The following NKAIN2 variants were observed in gnomAD, a reference collection of about 807,000 sequenced individuals.
NKAIN2 encodes the protein sodium/potassium-transporting ATPase subunit beta-1-interacting protein 2.
NKAIN2 carries 14 observed loss-of-function variants against 32.6 expected under a neutral mutation model. The ratio of observed to expected loss-of-function variants is 0.43; its 90% CI spans 0.28 to 0.67. The LOEUF (loss-of-function observed/expected upper bound fraction) is 0.67, where lower values mean the gene tolerates loss of function less well. Among genes scored for constraint, NKAIN2 ranks in the 30% least tolerant of loss-of-function variants. The pLI is 0.17. For missense variants in NKAIN2, 198 were observed against 258.3 expected, an observed-to-expected ratio of 0.77 and a Z score of 1.60; for synonymous variants, 80 against 87.2, an observed-to-expected ratio of 0.92 and a Z score of 0.46.
chr6:124,035,924 G>A (rs1781587969), intron 1 of NKAIN2, among the ~76,000 whole-genome samples: 1 of 152,094 alleles, frequency 6.6e-6, no homozygotes, highest in African/African-American at 2.4e-5. Context: ...CCAGGCAGGA[G>A]TATTTGATAA....
At chr6:123,933,026 T>C (rs564377342) in intron 1 of NKAIN2, among the ~76,000 whole-genome samples, 2 of 152,276 alleles carry the variant, frequency 1.3e-5, no homozygotes, top group African/African-American at 2.4e-5. Flanking sequence ...TACTTTACTG[T>C]CTGTCTGTTA....
intron 1 of NKAIN2, among the ~76,000 whole-genome samples, chr6:123,896,887 A>C (rs1277680613): frequency 6.6e-6 from 1 of 152,134 alleles, no homozygotes; most frequent in Non-Finnish European, 1.5e-5. Context: ...TGAAACTCAA[A>C]AGATATAATT....
At chr6:124,192,943 G>T (rs1354003294) in intron 1 of NKAIN2, among the ~76,000 whole-genome samples, 1 of 151,930 alleles carries the variant, frequency 6.6e-6, no homozygotes, top group Non-Finnish European at 1.5e-5. Context: ...TAGAGACGGG[G>T]TTTCACCGTG....
At chr6:124,381,136 CTG>C (rs1424674094) in intron 3 of NKAIN2, among the ~76,000 whole-genome samples, 1 of 152,108 alleles carries the variant, frequency 6.6e-6, no homozygotes, top group Non-Finnish European at 1.5e-5. Flanking sequence ...TGAAATCCAA[CTG>C]TCTTCTATTA....
chr6:123,814,150 G>A (rs183728448), intron 1 of NKAIN2, among the ~76,000 whole-genome samples: 15 of 152,144 alleles, frequency 9.9e-5, no homozygotes, highest in Admixed American at 3.3e-4. Context: ...TACAAGGCAG[G>A]GGGTGGAGGG....
rs1775107841 is a variant in NKAIN2 at position 123,910,368 on chromosome 6, ACATTTTAGATTTT to A, written c.54+106116_54+106128del. On this transcript the variant is annotated intron_variant, in intron 1 of 6. Coordinates refer to ENST00000368417, the MANE Select transcript of NKAIN2 (RefSeq NM_001040214.3). ...TTCTGAAATGTCTCTAACATGTTCT[ACATTTTAGATTTT>A]CCACTAATTAATACTGACTTTTCTT... Among the ~76,000 whole-genome samples, 3 of 152,260 alleles carry A rather than the reference ACATTTTAGATTTT, an allele frequency of 2.0e-5. No individual in the cohort carries two copies. In the South Asian group the frequency reaches 6.2e-4, roughly 32 times the overall value.
chr6:123,968,969 A>T (rs1458515015), intron 1 of NKAIN2, among the ~76,000 whole-genome samples: 1 of 152,048 alleles, frequency 6.6e-6, no homozygotes, highest in Non-Finnish European at 1.5e-5. Context: ...GGAGAGCTCC[A>T]TTTCTACTCT....
chr6:124,641,981 G>C (rs530499197), intron 3 of NKAIN2, among the ~76,000 whole-genome samples: 17 of 152,154 alleles, frequency 1.1e-4, no homozygotes, highest in Non-Finnish European at 7.4e-5. Context: ...ACTAATGTCA[G>C]GAACCAAGAG....
intron 1 of NKAIN2, among the ~76,000 whole-genome samples, chr6:124,007,333 C>G (rs1357862288): frequency 6.6e-6 from 1 of 152,156 alleles, no homozygotes; most frequent in African/African-American, 2.4e-5. Context: ...ATTTCTCTAG[C>G]CTCCAGTGGT....
intron 1 of NKAIN2, among the ~76,000 whole-genome samples, chr6:124,182,480 T>C (rs1789493384): frequency 6.6e-6 from 1 of 152,208 alleles, no homozygotes; most frequent in Non-Finnish European, 1.5e-5. Flanking sequence ...TTGAAATTAT[T>C]AGTAAAATAT....
At chr6:124,121,513 C>T (rs1414576567) in intron 1 of NKAIN2, among the ~76,000 whole-genome samples, 2 of 151,856 alleles carry the variant, frequency 1.3e-5, no homozygotes, top group African/African-American at 4.8e-5. Flanking sequence ...ATCATTGATG[C>T]AATCAGAGTT....
intron 1 of NKAIN2, among the ~76,000 whole-genome samples, chr6:124,014,973 C>T (rs1780494962): frequency 6.6e-6 from 1 of 152,102 alleles, no homozygotes. Flanking sequence ...CACTCTTACA[C>T]ACTGTCTCTG....
At chr6:124,710,251 G>C (rs1316293292) in intron 4 of NKAIN2, among the ~76,000 whole-genome samples, 3 of 151,914 alleles carry the variant, frequency 2.0e-5, no homozygotes, top group African/African-American at 4.8e-5. Context: ...TTACTTCCAA[G>C]TATGTGGTCA....
chr6:124,701,168 CA>C (rs1454915360), intron 4 of NKAIN2, among the ~76,000 whole-genome samples: 195 of 151,718 alleles, frequency 1.3e-3, no homozygotes, highest in African/African-American at 4.6e-3. Flanking sequence ...CACACACACA[CA>C]CACACACACC....
chr6:124,702,321 C>T (rs1399138654), intron 4 of NKAIN2, among the ~76,000 whole-genome samples: 12 of 151,664 alleles, frequency 7.9e-5, no homozygotes, highest in Non-Finnish European at 8.8e-5. Flanking sequence ...ATCATAAATC[C>T]AAAACTTTTT....
At chr6:124,419,943 C>CT (rs138192854) in intron 3 of NKAIN2, among the ~76,000 whole-genome samples, 4,946 of 151,766 alleles carry the variant, frequency 0.033, 272 homozygotes, top group African/African-American at 0.11. Context: ...AGATTTCTTC[C>CT]TTTTTTTTCC....
chr6:124,813,801 G>A (rs1399109905), intron 5 of NKAIN2, among the ~76,000 whole-genome samples: 2 of 152,064 alleles, frequency 1.3e-5, no homozygotes, highest in African/African-American at 2.4e-5. Flanking sequence ...AAGGATATAA[G>A]GAGATTCTTG....
intron 5 of NKAIN2, among the ~76,000 whole-genome samples, chr6:124,795,228 G>A (rs748187093): frequency 3.9e-5 from 6 of 152,098 alleles, no homozygotes; most frequent in Non-Finnish European, 8.8e-5. Context: ...TGGAGATAAG[G>A]GCCCAATGAT....
At chr6:124,344,540 T>A (rs1486096454) in intron 2 of NKAIN2, among the ~76,000 whole-genome samples, 1 of 151,586 alleles carries the variant, frequency 6.6e-6, no homozygotes, top group Non-Finnish European at 1.5e-5. Context: ...CTTGAAGAGG[T>A]CCTTCACGTC....
Sources: gnomAD v4.1 joint callset for allele counts (sites outside exome capture counted in the v4.1 genomes callset) on GRCh38, gnomAD v4.1.1 for gene constraint, MANE v1.5 for transcripts, NCBI Gene and HGNC (gene_info 2026-07-23, HGNC 2026-07-21) for gene names.